Variants in FBN2 observed in about 807,000 individuals in gnomAD.
The protein encoded by FBN2 is fibrillin 2.
Under a neutral mutation model 355.6 loss-of-function variants are expected in FBN2, and 105 were observed. That is an observed-to-expected ratio of 0.30 (90% confidence interval 0.25 to 0.35). The LOEUF (loss-of-function observed/expected upper bound fraction) is 0.35. Ranked by LOEUF, FBN2 falls within the 10% of genes least tolerant of loss-of-function variation. FBN2 has a pLI of 1.00. For missense variants in FBN2, 3,280 were observed against 3,758.7 expected, an observed-to-expected ratio of 0.87 and a Z score of 3.33; for synonymous variants, 1,350 against 1,301.2, an observed-to-expected ratio of 1.04 and a Z score of -0.81.
At chr5:128,265,608 T>A (rs1278895367) in intron 62 of FBN2, among the ~76,000 whole-genome samples, 1 of 152,198 alleles carries the variant, frequency 6.6e-6, no homozygotes, top group Non-Finnish European at 1.5e-5. Flanking sequence ...ACATAATTTT[T>A]CTTCATATGC....
chr5:128,365,026 G>C (rs868836295), intron 17 of FBN2: 48 of 267,452 alleles, frequency 1.8e-4, no homozygotes, highest in African/African-American at 1.0e-3. Flanking sequence ...TTTATAGGCT[G>C]TTGGCTCCAA....
intron 4 of FBN2, among the ~76,000 whole-genome samples, chr5:128,527,177 C>T (rs1037887184): frequency 6.6e-6 from 1 of 152,024 alleles, no homozygotes; most frequent in Non-Finnish European, 1.5e-5. Context: ...TGTGAATTCC[C>T]AAAAATGTCC....
intron 7 of FBN2, among the ~76,000 whole-genome samples, chr5:128,437,288 A>T (rs1469331581): frequency 6.6e-6 from 1 of 152,190 alleles, no homozygotes; most frequent in African/African-American, 2.4e-5. Flanking sequence ...TACATAATGG[A>T]ATATTGTATC....
chr5:128,357,216 T>G, intron 20 of FBN2, 60 bp downstream of exon 20: 9 of 1,600,274 alleles, frequency 5.6e-6, no homozygotes, highest in South Asian at 1.1e-5. Context: ...TAGTAAGGCC[T>G]GAGATCTGTG....
At chr5:128,524,831 A>G (rs566205696) in intron 4 of FBN2, among the ~76,000 whole-genome samples, 1 of 152,274 alleles carries the variant, frequency 6.6e-6, no homozygotes, top group South Asian at 2.1e-4. Flanking sequence ...TGAGGTAAAC[A>G]TTAAGGAAGA....
chr5:128,454,147 C>T (rs768622282), intron 6 of FBN2, among the ~76,000 whole-genome samples: 2 of 152,224 alleles, frequency 1.3e-5, no homozygotes, highest in African/African-American at 4.8e-5. Flanking sequence ...GATTATGACA[C>T]TCAGAGTAAA....
intron 34 of FBN2, among the ~76,000 whole-genome samples, chr5:128,325,689 C>G (rs1750525261): frequency 6.6e-6 from 1 of 152,092 alleles, no homozygotes; most frequent in African/African-American, 2.4e-5. Context: ...TTTTTGGGCT[C>G]TCTTCAGCAA....
At position 128,291,584 on chromosome 5, in the gene FBN2, G is replaced by C; in HGVS notation, c.6237C>G (p.Phe2079Leu). The part of the protein sequence containing the change: ...FGSCTNTPGG[F>L]QCLCPPGFVL... Reference sequence around the variant, plus strand: ...CAAAGCCAGGGGGGCAGAGGCACTGGAAGCCCCCTGGAGTATTAGTACAGG... The same window carrying C: ...CAAAGCCAGGGGGGCAGAGGCACTGCAAGCCCCCTGGAGTATTAGTACAGG... The change falls in exon 49 of 65, where the codon TTC becomes TTG. Residue 2079 changes from phenylalanine to leucine, a missense_variant. Coordinates refer to ENST00000262464, the MANE Select transcript of FBN2 (RefSeq NM_001999.4). The C allele has an allele frequency of 6.2e-7, 1 of 1,613,548 alleles. No homozygotes were observed. The highest frequency in any genetic ancestry group is 8.5e-7 in the Non-Finnish European group (1 of 1,179,526).
intron 18 of FBN2, 79 bp from the exon 19 acceptor site, chr5:128,361,927 ATTTGT>A (rs1286808815): frequency 2.5e-5 from 34 of 1,380,396 alleles, no homozygotes; most frequent in Non-Finnish European, 3.1e-5. Flanking sequence ...TAATTTTGTT[ATTTGT>A]TTTATTTCCC....
At chr5:128,320,151 C>T (rs1205074187) in intron 34 of FBN2, among the ~76,000 whole-genome samples, 4 of 151,570 alleles carry the variant, frequency 2.6e-5, no homozygotes, top group South Asian at 4.2e-4. Context: ...ACTCTTTAAG[C>T]TAGATTACAA....
At chr5:128,536,706 T>C (rs984255019) in intron 1 of FBN2, among the ~76,000 whole-genome samples, 1 of 152,210 alleles carries the variant, frequency 6.6e-6, no homozygotes, top group African/African-American at 2.4e-5. Context: ...CTTTCATCTG[T>C]CGTCCCTTGC....
Position 128,290,616 on chromosome 5 carries a change from A to C in FBN2, c.6445+116T>G, listed in dbSNP as rs1053966766. 6 of 1,060,518 alleles carry C rather than the reference A, an allele frequency of 5.7e-6. No homozygotes were observed. The African/African-American group carries it at 9.3e-5, about 16-fold the overall frequency. 65.7% of individuals were successfully genotyped at this position (1,060,518 alleles called of 1,614,324 possible). On this transcript the variant is annotated intron_variant, in intron 50 of 64. Coordinates refer to ENST00000262464, the MANE Select transcript of FBN2 (RefSeq NM_001999.4). ...TGTTCAATGAACCATCAAAACTTAT[A>C]TGCAAGGAGATGATTTCACTCTCAA...
At chr5:128,309,791 T>C (rs902761161) in intron 40 of FBN2, among the ~76,000 whole-genome samples, 192 bp downstream of exon 40, 1 of 152,226 alleles carries the variant, frequency 6.6e-6, no homozygotes, top group Non-Finnish European at 1.5e-5. Context: ...ATTAGACTCA[T>C]GCTTTTAAAA....
At chr5:128,344,315 G>T in intron 25 of FBN2, 70 bp downstream of exon 25, 7 of 1,491,094 alleles carry the variant, frequency 4.7e-6, no homozygotes, top group Non-Finnish European at 6.6e-6. Context: ...GCTTTTTAGG[G>T]CAGTCCTTTC....
chr5:128,287,318 C>G lies in FBN2; in HGVS notation c.6870G>C (p.Lys2290Asn). 6.2e-7 allele frequency: 1 copy of G among 1,613,966 alleles called. No individual in the cohort carries two copies. The highest frequency in any genetic ancestry group is 1.3e-5 in the African/African-American group (1 of 75,046). The change falls in exon 54 of 65, where the codon AAG (lysine) becomes AAC (asparagine). Residue 2290 changes from lysine to asparagine, a missense_variant. By Grantham distance (94) the Lys-to-Asn change is moderately conservative. Around this residue, in one of 6 missense-constraint regions of FBN2, gnomAD observed 2,284 missense variants for 2,749.5 expected, o/e 0.83. Coordinates refer to ENST00000262464, the MANE Select transcript of FBN2 (RefSeq NM_001999.4). ...PIGYALREDQ[K>N]MCKDLDECAE... is the part of the protein sequence containing the mutation. Reference sequence around the variant, plus strand: ...AGTCTGAGGCCTTACCTTTGCACATCTTTTGATCTTCCCTGAGGGCATAGC... The same window carrying G: ...AGTCTGAGGCCTTACCTTTGCACATGTTTTGATCTTCCCTGAGGGCATAGC...
intron 62 of FBN2, 149 bp downstream of exon 62, chr5:128,271,850 T>A: frequency 1.1e-6 from 1 of 895,072 alleles, no homozygotes; most frequent in South Asian, 1.4e-5. Flanking sequence ...ACTAGCAGAA[T>A]GAGTCCCCAT....
intron 6 of FBN2, 103 bp downstream of exon 6, chr5:128,464,621 A>G: frequency 8.0e-7 from 1 of 1,257,218 alleles, no homozygotes; most frequent in Admixed American, 1.7e-5. Context: ...CTTGGAAATC[A>G]GTATTCTGTT....
At chr5:128,304,355 G>A (rs1191063411) in intron 45 of FBN2, among the ~76,000 whole-genome samples, 1 of 152,154 alleles carries the variant, frequency 6.6e-6, no homozygotes, top group Non-Finnish European at 1.5e-5. Flanking sequence ...TTAATCATCA[G>A]CTCAGCAAGT....
intron 6 of FBN2, among the ~76,000 whole-genome samples, chr5:128,455,906 G>GC (rs538073030): frequency 6.9e-6 from 1 of 144,026 alleles, no homozygotes; most frequent in Non-Finnish European, 1.5e-5. Context: ...AGCCTATGGA[G>GC]CCCCCCGGGG....
Sources: allele counts gnomAD v4.1 joint callset (sites outside exome capture counted in the v4.1 genomes callset), GRCh38; gene constraint gnomAD v4.1.1; regional missense constraint gnomAD v4.1.1; transcripts MANE v1.5; gene names NCBI Gene and HGNC (gene_info 2026-07-23, HGNC 2026-07-21).